Variants in CCSER1 observed in about 807,000 individuals in gnomAD.
The protein encoded by CCSER1 is serine-rich coiled-coil domain-containing protein 1.
CCSER1 carries 41 observed loss-of-function variants against 82.0 expected under a neutral mutation model. The ratio of observed to expected loss-of-function variants is 0.50; its 90% CI spans 0.39 to 0.65. The LOEUF is 0.65. CCSER1 is among the 30% of genes least tolerant of loss of function. CCSER1 has a pLI of 0.00. For missense variants in CCSER1, 1,119 were observed against 1,064.2 expected (o/e 1.05, Z -0.72); for synonymous variants, 414 against 383.9 (o/e 1.08, Z -0.92).
Position 91,132,645 on chromosome 4 carries a change from T to C in CCSER1, c.2217+46651T>C, listed in dbSNP as rs553445127. On this transcript the variant is annotated intron_variant, in intron 10 of 10. Coordinates refer to ENST00000509176, the MANE Select transcript of CCSER1 (RefSeq NM_001145065.2). The stretch of plus-strand genomic sequence containing the variant: ...TTCACAGTCAAGTGAAGCAGACATA[T>C]GTAAGCAATTACAGTCTGTCTTCCC... 4.6e-5 allele frequency among the ~76,000 whole-genome samples: 7 copies of C among 152,314 alleles called. No individual in the cohort carries two copies. In the South Asian group the frequency reaches 1.2e-3, roughly 27 times the overall value.
chr4:90,596,351 A>G lies in CCSER1; in HGVS notation c.1725-31674A>G, dbSNP rs75153258. On this transcript the variant is annotated intron_variant, in intron 5 of 10. Coordinates refer to ENST00000509176, the MANE Select transcript of CCSER1 (RefSeq NM_001145065.2). Reference sequence around the variant, plus strand: ...TTTAATGCTTTTTCATGGTCTGTTCATATCTGATTTTCATTATGGTGAAGT... The same window carrying G: ...TTTAATGCTTTTTCATGGTCTGTTCGTATCTGATTTTCATTATGGTGAAGT... Among the ~76,000 whole-genome samples the G allele has an allele frequency of 7.7e-4, 117 of 152,020 alleles. 1 individual carries two copies. The East Asian group carries it at 0.016, about 21-fold the overall frequency.
intron 1 of CCSER1, among the ~76,000 whole-genome samples, chr4:90,215,809 T>C (rs1014402052): frequency 1.3e-5 from 2 of 152,146 alleles, no homozygotes; most frequent in African/African-American, 4.8e-5. Flanking sequence ...ACCCCAGATC[T>C]AATCTTTGGA....
chr4:90,420,815 G>C (rs938008715), intron 4 of CCSER1, among the ~76,000 whole-genome samples: 5 of 152,058 alleles, frequency 3.3e-5, no homozygotes, highest in Middle Eastern at 3.2e-3. Flanking sequence ...GGCAGTCAAT[G>C]GCCCAAGTTC....
At chr4:90,725,988 C>A (rs2149383814) in intron 7 of CCSER1, among the ~76,000 whole-genome samples, 2 of 151,990 alleles carry the variant, frequency 1.3e-5, no homozygotes, top group East Asian at 3.9e-4. Flanking sequence ...AACCTCTTAG[C>A]TTACTTTTCT....
chr4:90,524,034 A>G (rs926028350), intron 5 of CCSER1, among the ~76,000 whole-genome samples: 7 of 152,172 alleles, frequency 4.6e-5, no homozygotes, highest in Admixed American at 2.6e-4. Flanking sequence ...GTTCAAAGTC[A>G]TAAGAGCTCA....
At position 91,096,006 on chromosome 4, in the gene CCSER1, G is replaced by A. The variant is rs562175776; in HGVS notation, c.2217+10012G>A. On this transcript the variant is annotated intron_variant, in intron 10 of 10. Transcript: ENST00000509176. ...GTGATCAGCCCAAGTAGGATTATGA[G>A]TCTGTATAATAGTTTGGAGCAAGTC... 3.3e-5 allele frequency among the ~76,000 whole-genome samples: 5 copies of A among 152,298 alleles called. No homozygotes were observed. In the East Asian group the frequency reaches 9.6e-4, roughly 29 times the overall value.
At chr4:91,300,863 C>G (rs1043309722) in intron 10 of CCSER1, among the ~76,000 whole-genome samples, 1 of 151,762 alleles carries the variant, frequency 6.6e-6, no homozygotes, top group Admixed American at 6.6e-5. Context: ...AAACTGTGTT[C>G]CAACCAGTGT....
At chr4:91,151,213 G>T (rs190170681) in intron 10 of CCSER1, among the ~76,000 whole-genome samples, 1 of 151,914 alleles carries the variant, frequency 6.6e-6, no homozygotes, top group African/African-American at 2.4e-5. Context: ...TGCATTTGTC[G>T]AGGAATTTAT....
chr4:90,504,942 A>T (rs1324966620), intron 5 of CCSER1, among the ~76,000 whole-genome samples: 1 of 152,082 alleles, frequency 6.6e-6, no homozygotes, highest in African/African-American at 2.4e-5. Flanking sequence ...AATGCCAAAA[A>T]CTGAAACATC....
rs73834776 is a variant in CCSER1 at position 91,086,746 on chromosome 4, A to G, written c.2217+752A>G. 4.9e-3 allele frequency among the ~76,000 whole-genome samples: 741 copies of G among 152,218 alleles called. 8 individuals are homozygous for G. The highest frequency in any genetic ancestry group is 0.017 in the African/African-American group (687 of 41,570). ...TCTCCATTTGTAGCTTCCTTTCTGTATAAACAGATTTCTTCCCTATAGTGG... is the reference window on the plus strand; with the variant it reads ...TCTCCATTTGTAGCTTCCTTTCTGTGTAAACAGATTTCTTCCCTATAGTGG... On this transcript the variant is annotated intron_variant, in intron 10 of 10. Transcript: ENST00000509176.
chr4:91,145,898 T>A (rs1729485648), intron 10 of CCSER1, among the ~76,000 whole-genome samples: 1 of 152,202 alleles, frequency 6.6e-6, no homozygotes, highest in Non-Finnish European at 1.5e-5. Flanking sequence ...TTCTTGCACA[T>A]TGACCTTCAA....
chr4:90,656,356 A>G (rs1407646147), intron 6 of CCSER1, among the ~76,000 whole-genome samples: 1 of 151,034 alleles, frequency 6.6e-6, no homozygotes, highest in East Asian at 1.9e-4. Flanking sequence ...ATTTTTTAAT[A>G]TATCTTGAAA....
chr4:90,223,770 T>C (rs1295782730), intron 1 of CCSER1, among the ~76,000 whole-genome samples: 2 of 152,228 alleles, frequency 1.3e-5, no homozygotes, highest in African/African-American at 2.4e-5. Context: ...TGTATTGCAT[T>C]GAATATGACA....
intron 5 of CCSER1, among the ~76,000 whole-genome samples, chr4:90,516,364 C>G (rs1224836187): frequency 6.6e-6 from 1 of 152,100 alleles, no homozygotes; most frequent in Non-Finnish European, 1.5e-5. Context: ...AAGCTGGATA[C>G]AGGCATTATT....
intron 5 of CCSER1, among the ~76,000 whole-genome samples, chr4:90,550,754 A>G (rs1450896343): frequency 1.3e-5 from 2 of 152,126 alleles, no homozygotes; most frequent in East Asian, 3.9e-4. Flanking sequence ...GCAAAAATAT[A>G]TACGACTTTT....
intron 10 of CCSER1, among the ~76,000 whole-genome samples, chr4:91,181,809 C>T (rs572187960): frequency 2.0e-4 from 31 of 152,148 alleles, no homozygotes; most frequent in African/African-American, 5.1e-4. Flanking sequence ...TTTTTGAGGG[C>T]GATATGCCTC....
chr4:91,358,390 C>CTT (rs1200591995), intron 10 of CCSER1, among the ~76,000 whole-genome samples: 3 of 67,662 alleles, frequency 4.4e-5, no homozygotes, highest in African/African-American at 1.4e-4. Flanking sequence ...GCCTGACCCA[C>CTT]GTTGTTTTTT....
chr4:90,304,595 C>T (rs1354982082), intron 1 of CCSER1, among the ~76,000 whole-genome samples: 2 of 151,838 alleles, frequency 1.3e-5, no homozygotes, highest in Non-Finnish European at 2.9e-5. Context: ...GGGAATTGAA[C>T]AATGAGAACA....
chr4:90,943,891 G>A (rs367990961), intron 9 of CCSER1, among the ~76,000 whole-genome samples: 2 of 151,096 alleles, frequency 1.3e-5, no homozygotes, highest in African/African-American at 2.4e-5. Flanking sequence ...CTTTTGTATC[G>A]GAAGGTAAAC....
Sources: gnomAD v4.1 joint callset for allele counts (sites outside exome capture counted in the v4.1 genomes callset) on GRCh38, gnomAD v4.1.1 for gene constraint, MANE v1.5 for transcripts, NCBI Gene and HGNC (gene_info 2026-07-23, HGNC 2026-07-21) for gene names.